The following ACOX2 variants were observed in gnomAD, a reference collection of about 807,000 sequenced individuals.
The protein encoded by ACOX2 is peroxisomal acyl-coenzyme A oxidase 2.
In ACOX2, 59 loss-of-function variants were observed where a neutral mutation model predicts 77.5. The ratio of observed to expected loss-of-function variants is 0.76; its 90% CI spans 0.62 to 0.95. The LOEUF is 0.95. Among genes scored for constraint, ACOX2 ranks in the 40% least tolerant of loss-of-function variants. ACOX2 has a pLI of 0.00. For missense variants in ACOX2, 837 were observed against 880.4 expected (o/e 0.95, Z 0.62); for synonymous variants, 317 against 340.1 (o/e 0.93, Z 0.75).
chr3:58,526,733 G>A lies in ACOX2; in HGVS notation c.1156-77C>T. 6.8e-7 allele frequency: 1 copy of A among 1,466,448 alleles called. No individual in the cohort carries two copies. The highest frequency in any genetic ancestry group is 9.3e-7 in the Non-Finnish European group (1 of 1,072,860). The allele number at this position is 1,466,448 out of a possible 1,614,324, so 90.8% of individuals were successfully genotyped here. A position where few individuals can be genotyped will look rare whatever the true frequency, so the allele number is the denominator to read the frequency against. ...GGACCAACCCTGTGCACCACTTACT[G>A]AGCATCTACTCATGCCCAGCTCAGC... On this transcript the variant is annotated intron_variant, in intron 9 of 14. Transcript: ENST00000302819. This position sits in a 1 kb window ranked among gnomAD's most constrained non-coding sequence, Gnocchi z 4.3.
chr3:58,510,646 AAAAAAAAAAAAAAAAAAATATATAT>A (rs2063272273), intron 13 of ACOX2, among the ~76,000 whole-genome samples: 5 of 35,322 alleles, frequency 1.4e-4, no homozygotes, highest in Admixed American at 8.9e-4. Context: ...AAAAAAAAAA[AAAAAAAAAAAAAAAAAAATATATAT>A]ATATATATAT....
At chr3:58,508,007 A>G (rs1271229445) in intron 14 of ACOX2, among the ~76,000 whole-genome samples, 3 of 152,208 alleles carry the variant, frequency 2.0e-5, no homozygotes, top group South Asian at 2.1e-4. Context: ...TGAATCATGT[A>G]TTTGCACTAT....
At position 58,521,964 on chromosome 3, in the gene ACOX2, C is replaced by T. The variant is rs143034094; in HGVS notation, c.1632+532G>A. On this transcript the variant is annotated intron_variant, in intron 12 of 14. Coordinates refer to ENST00000302819, the MANE Select transcript of ACOX2 (RefSeq NM_003500.4). The surrounding 1 kb of genome is among the most constrained non-coding windows in gnomAD (Gnocchi z 4.8). Reference sequence around the variant, plus strand: ...TGATATGCCACTTCTTTTGGGAAGCCTTTCTGACTCCTCCAGGTGGGCAGA... The same window carrying T: ...TGATATGCCACTTCTTTTGGGAAGCTTTTCTGACTCCTCCAGGTGGGCAGA... Among the ~76,000 whole-genome samples the T allele has an allele frequency of 6.6e-6, 1 of 152,320 alleles. No homozygotes were observed. Among genetic ancestry groups the T allele is most frequent in the East Asian group, 1.9e-4 (1 of 5,180 alleles).
intron 12 of ACOX2, among the ~76,000 whole-genome samples, chr3:58,518,794 G>A (rs1429693200): frequency 1.3e-5 from 2 of 149,460 alleles, no homozygotes; most frequent in Admixed American, 6.6e-5. Flanking sequence ...CACCATGCCC[G>A]GCTTTTTTTT....
chr3:58,516,358 C>A (rs183452479), intron 13 of ACOX2, among the ~76,000 whole-genome samples: 1 of 152,188 alleles, frequency 6.6e-6, no homozygotes, highest in East Asian at 1.9e-4. Flanking sequence ...GCCCAGGGGC[C>A]AGACCTGAGA....
rs1198616422 is a variant in ACOX2 at position 58,528,885 on chromosome 3, T to C, written c.1064A>G (p.Tyr355Cys). 6.2e-7 allele frequency: 1 copy of C among 1,613,782 alleles called. No individual in the cohort carries two copies. Among genetic ancestry groups the C allele is most frequent in the Admixed American group, 1.7e-5 (1 of 59,960 alleles). Residue 355 changes from tyrosine to cysteine, a missense_variant, in exon 9 of 15, where the codon TAT becomes TGT. Tyr to Cys is a radical substitution (Grantham distance 194). Coordinates refer to ENST00000302819, the MANE Select transcript of ACOX2 (RefSeq NM_003500.4). This position sits in a 1 kb window ranked among gnomAD's most constrained non-coding sequence, Gnocchi z 5.6. Reference sequence around the variant, plus strand: ...GCTGACTGCCAGGAAATGGAAGGCATAACTGATGGCCAGCTGAGGAAAGAG... The same window carrying C: ...GCTGACTGCCAGGAAATGGAAGGCACAACTGATGGCCAGCTGAGGAAAGAG... ...QKLFPQLAIS[Y>C]AFHFLAVSLL...
At chr3:58,516,782 A>G (rs2063324175) in intron 13 of ACOX2, among the ~76,000 whole-genome samples, 1 of 152,156 alleles carries the variant, frequency 6.6e-6, no homozygotes, top group Admixed American at 6.5e-5. Context: ...GGTTGCAATG[A>G]GACAAGATTG....
In ACOX2 at chr3:58,534,642, C is replaced by T. The variant is rs1206199050; in HGVS notation, c.161-120G>A. 72 of 1,570,838 alleles carry T rather than the reference C, an allele frequency of 4.6e-5. No individual in the cohort carries two copies. Among genetic ancestry groups the T allele is most frequent in the Non-Finnish European group, 5.9e-5 (69 of 1,161,622 alleles). Reference sequence around the variant, plus strand: ...GAAGTCAGACATTATTGTTATTTTACAGATGACAAAACTGAGGACCAAGGT... The same window carrying T: ...GAAGTCAGACATTATTGTTATTTTATAGATGACAAAACTGAGGACCAAGGT... On this transcript the variant is annotated intron_variant, in intron 2 of 14. Coordinates refer to ENST00000302819, the MANE Select transcript of ACOX2 (RefSeq NM_003500.4). The surrounding 1 kb of genome is among the most constrained non-coding windows in gnomAD (Gnocchi z 4.8).
At position 58,531,848 on chromosome 3, in the gene ACOX2, G is replaced by C; in HGVS notation, c.584-36C>G. 1 of 1,598,428 alleles carries C rather than the reference G, an allele frequency of 6.3e-7. No homozygotes were observed. The highest frequency in any genetic ancestry group is 1.1e-5 in the South Asian group (1 of 88,706). Reference sequence around the variant, plus strand: ...AGAGAGTAGCGGCCCGTCACAGGAAGACCTGTGCATTGCTTTTCCCAACCA... The same window carrying C: ...AGAGAGTAGCGGCCCGTCACAGGAACACCTGTGCATTGCTTTTCCCAACCA... On this transcript the variant is annotated intron_variant, in intron 5 of 14. Transcript: ENST00000302819. The surrounding 1 kb of genome is among the most constrained non-coding windows in gnomAD (Gnocchi z 5.8).
At chr3:58,520,936 T>C (rs757773448) in intron 12 of ACOX2, among the ~76,000 whole-genome samples, 1 of 152,238 alleles carries the variant, frequency 6.6e-6, no homozygotes. Context: ...CTGAGTTCTC[T>C]TTCCTCACCC....
In ACOX2 at chr3:58,534,481, T is replaced by C; in HGVS notation, c.202A>G (p.Asn68Asp). ...HSYPEFSCKD[N>D]YFMTQNERYK... Reference sequence around the variant, plus strand: ...CGCTCATTCTGGGTCATGAAATAATTGTCCTTACAGCTAAACTCCGGGTAA... The same window carrying C: ...CGCTCATTCTGGGTCATGAAATAATCGTCCTTACAGCTAAACTCCGGGTAA... The change falls in exon 3 of 15, where the codon AAT (asparagine) becomes GAT (aspartate). Residue 68 changes from asparagine (N) to aspartate (D), a missense_variant. Coordinates refer to ENST00000302819, the MANE Select transcript of ACOX2 (RefSeq NM_003500.4). This position sits in a 1 kb window ranked among gnomAD's most constrained non-coding sequence, Gnocchi z 4.8. 1 of 1,614,136 alleles carries C rather than the reference T, an allele frequency of 6.2e-7. No homozygotes were observed. The highest frequency in any genetic ancestry group is 8.5e-7 in the Non-Finnish European group (1 of 1,180,028).
At chr3:58,510,360 C>T (rs761755062) in intron 13 of ACOX2, among the ~76,000 whole-genome samples, 7 of 151,824 alleles carry the variant, frequency 4.6e-5, no homozygotes, top group Non-Finnish European at 8.8e-5. Flanking sequence ...AGGCCGGGCG[C>T]GATGGCTCAC....
chr3:58,505,204 C>T lies in ACOX2; in HGVS notation c.*20G>A. 2.5e-6 allele frequency: 4 copies of T among 1,606,388 alleles called. No individual in the cohort carries two copies. Among genetic ancestry groups the T allele is most frequent in the Non-Finnish European group, 3.4e-6 (4 of 1,175,044 alleles). On this transcript the variant is annotated 3_prime_UTR_variant, in exon 15 of 15. Coordinates refer to ENST00000302819, the MANE Select transcript of ACOX2 (RefSeq NM_003500.4). The surrounding 1 kb of genome is among the most constrained non-coding windows in gnomAD (Gnocchi z 4.4). ...TATCACATGATGGTGCTGGTTGCTT[C>T]TTGAATACTGTTGGTTATTTCATAG...
chr3:58,511,023 C>T (rs915000014), intron 13 of ACOX2: 25 of 456,520 alleles, frequency 5.5e-5, no homozygotes, highest in African/African-American at 4.6e-4. Context: ...TTTCCCATCT[C>T]TTTTGCCTGG....
Position 58,535,010 on chromosome 3 carries a change from C to G in ACOX2, c.97G>C (p.Val33Leu), listed in dbSNP as rs143882840. ...TCAAGGATGTTGGTGAGCCGTTCCA[C>G]GTCAAAGGACTGCATATACCTCTCG... ...ESERYMQSFD[V>L]ERLTNILDGG... is the part of the protein sequence containing the mutation. The change falls in exon 2 of 15, where the codon GTG becomes CTG. Residue 33 changes from valine to leucine, a missense_variant. Physicochemically the swap from Val to Leu is conservative, Grantham distance 32. Transcript: ENST00000302819. This position sits in a 1 kb window ranked among gnomAD's most constrained non-coding sequence, Gnocchi z 4.8. 3 of 1,614,198 alleles carry G rather than the reference C, an allele frequency of 1.9e-6. No homozygotes were observed. In the East Asian group the frequency reaches 6.7e-5, roughly 36 times the overall value.
intron 8 of ACOX2, among the ~76,000 whole-genome samples, 172 bp downstream of exon 8, chr3:58,530,294 A>T (rs1426741825): frequency 1.3e-5 from 2 of 152,236 alleles, no homozygotes; most frequent in African/African-American, 4.8e-5. Flanking sequence ...CTCCTCTGAC[A>T]TGCCCAGATG....
Position 58,505,177 on chromosome 3 carries a change from A to G in ACOX2, c.*47T>C. On this transcript the variant is annotated 3_prime_UTR_variant, in exon 15 of 15. Transcript: ENST00000302819. This position sits in a 1 kb window ranked among gnomAD's most constrained non-coding sequence, Gnocchi z 4.4. ...AATGTTGCATATATGCCATAGTACC[A>G]TTATCACATGATGGTGCTGGTTGCT... 1 of 1,502,672 alleles carries G rather than the reference A, an allele frequency of 6.7e-7. No homozygotes were observed. Among genetic ancestry groups the G allele is most frequent in the Non-Finnish European group, 9.2e-7 (1 of 1,086,844 alleles). The allele number at this position is 1,502,672 out of a possible 1,614,324, so 93.1% of individuals were successfully genotyped here. A position where few individuals can be genotyped will look rare whatever the true frequency, so the allele number is the denominator to read the frequency against.
intron 12 of ACOX2, among the ~76,000 whole-genome samples, chr3:58,518,915 C>T (rs1374626449): frequency 6.6e-6 from 1 of 150,626 alleles, no homozygotes; most frequent in Non-Finnish European, 1.5e-5. Flanking sequence ...GCTGGGATTA[C>T]AGGCGTGAGC....
In ACOX2 at chr3:58,526,341, A is replaced by G; in HGVS notation, c.1346+125T>C. ...GGTTAGTCATACTGGGGAATTGGAC[A>G]GCTCCCAAATAGCACTTCGCAAAGC... On this transcript the variant is annotated intron_variant, in intron 10 of 14. Transcript: ENST00000302819. This position sits in a 1 kb window ranked among gnomAD's most constrained non-coding sequence, Gnocchi z 4.3. 1 of 1,124,272 alleles carries G rather than the reference A, an allele frequency of 8.9e-7. No homozygotes were observed. Among genetic ancestry groups the G allele is most frequent in the Non-Finnish European group, 1.2e-6 (1 of 802,602 alleles). The allele number at this position is 1,124,272 out of a possible 1,614,324, so 69.6% of individuals were successfully genotyped here. A position where few individuals can be genotyped will look rare whatever the true frequency, so the allele number is the denominator to read the frequency against.
Sources: gnomAD v4.1 joint callset for allele counts (sites outside exome capture counted in the v4.1 genomes callset) on GRCh38, gnomAD v4.1.1 for gene constraint, Gnocchi (gnomAD v3.1) non-coding constraint, MANE v1.5 for transcripts, NCBI Gene and HGNC (gene_info 2026-07-23, HGNC 2026-07-21) for gene names.